The following PACSIN2 variants were observed in gnomAD, a reference collection of about 807,000 sequenced individuals.
The protein encoded by PACSIN2 is protein kinase C and casein kinase substrate in neurons 2.
Under a neutral mutation model 63.8 loss-of-function variants are expected in PACSIN2, and 25 were observed. That is an observed-to-expected ratio of 0.39 (90% confidence interval 0.29 to 0.55). PACSIN2 has a LOEUF of 0.55. Ranked by LOEUF, PACSIN2 falls within the 20% of genes least tolerant of loss-of-function variation. The pLI is 0.62. For missense variants in PACSIN2, 518 were observed against 646.9 expected (o/e 0.80, Z 2.16); for synonymous variants, 255 against 256.2 (o/e 1.00, Z 0.05).
intron 2 of PACSIN2, among the ~76,000 whole-genome samples, chr22:42,895,853 C>T (rs1216558603): frequency 6.6e-6 from 1 of 152,194 alleles, no homozygotes; most frequent in Non-Finnish European, 1.5e-5. Context: ...CAACATCGGC[C>T]CTGCTGTCCC....
At chr22:42,886,030 G>A (rs929538042) in intron 5 of PACSIN2, among the ~76,000 whole-genome samples, 1 of 152,332 alleles carries the variant, frequency 6.6e-6, no homozygotes, top group Admixed American at 6.5e-5. Context: ...CTGCTGAAGT[G>A]ACACAGAGCA....
intron 5 of PACSIN2, among the ~76,000 whole-genome samples, chr22:42,886,889 C>T (rs1362948254): frequency 6.6e-6 from 1 of 152,204 alleles, no homozygotes; most frequent in African/African-American, 2.4e-5. Flanking sequence ...TGGGCCTGTT[C>T]TGCAAAAGCC....
At chr22:42,889,160 G>T (rs1929711666) in intron 4 of PACSIN2, among the ~76,000 whole-genome samples, 1 of 152,092 alleles carries the variant, frequency 6.6e-6, no homozygotes. Flanking sequence ...CATGGGGTGG[G>T]TGGAGAAAGC....
intron 5 of PACSIN2, among the ~76,000 whole-genome samples, 192 bp downstream of exon 5, chr22:42,888,451 G>A (rs1929650300): frequency 6.6e-6 from 1 of 152,214 alleles, no homozygotes; most frequent in Non-Finnish European, 1.5e-5. Context: ...TGACTGAGCA[G>A]GTACAGTGGC....
chr22:42,890,881 G>A, intron 4 of PACSIN2, 66 bp downstream of exon 4: 5 of 1,291,326 alleles, frequency 3.9e-6, no homozygotes, highest in East Asian at 2.4e-5. Flanking sequence ...GGTGCAGGAG[G>A]TGGTGCTGCT....
intron 1 of PACSIN2, among the ~76,000 whole-genome samples, chr22:42,961,148 A>G (rs917103145): frequency 2.0e-5 from 3 of 152,250 alleles, no homozygotes; most frequent in African/African-American, 7.2e-5. Flanking sequence ...ACATACTGCA[A>G]GGGGAAACTG....
At chr22:42,982,743 T>A (rs1017841784) in intron 1 of PACSIN2, among the ~76,000 whole-genome samples, 1 of 139,004 alleles carries the variant, frequency 7.2e-6, no homozygotes, top group African/African-American at 2.7e-5. Context: ...TGCGGAAGGC[T>A]GCAGGGTCCT....
intron 1 of PACSIN2, among the ~76,000 whole-genome samples, chr22:42,936,835 C>T (rs537182651): frequency 8.1e-5 from 12 of 147,882 alleles, no homozygotes; most frequent in East Asian, 7.9e-4. Flanking sequence ...CACCTGAACC[C>T]GCGAGACGGA....
At chr22:42,923,011 G>A (rs1932295071) in intron 1 of PACSIN2, among the ~76,000 whole-genome samples, 1 of 152,162 alleles carries the variant, frequency 6.6e-6, no homozygotes, top group African/African-American at 2.4e-5. Flanking sequence ...TTCCGGCAGA[G>A]GCAGAGGGAG....
rs140822448 is a variant in PACSIN2, at chr22:42,956,314, T to C, written c.-77-44157A>G. ...AGATTTATGTCTTATGATTCATATA[T>C]GACAGAGTCTAATAAGAAAAAACTT... On this transcript the variant is annotated intron_variant, in intron 1 of 10. Coordinates refer to ENST00000263246, the MANE Select transcript of PACSIN2 (RefSeq NM_001184970.3). Among the ~76,000 whole-genome samples, 530 of 152,354 alleles carry C rather than the reference T, an allele frequency of 3.5e-3. 3 individuals carry two copies. Among genetic ancestry groups the C allele is most frequent in the African/African-American group, 0.012 (499 of 41,576 alleles).
intron 1 of PACSIN2, among the ~76,000 whole-genome samples, chr22:42,961,691 T>C (rs1934141964): frequency 6.6e-6 from 1 of 152,106 alleles, no homozygotes; most frequent in African/African-American, 2.4e-5. Flanking sequence ...GAGAATCGCT[T>C]GACCCCAGGG....
chr22:42,958,896 A>G (rs916496660), intron 1 of PACSIN2, among the ~76,000 whole-genome samples: 3 of 152,258 alleles, frequency 2.0e-5, no homozygotes, highest in Non-Finnish European at 4.4e-5. Flanking sequence ...AAATCTAATT[A>G]GAATTACAGC....
intron 1 of PACSIN2, among the ~76,000 whole-genome samples, chr22:42,968,782 C>T (rs1462195921): frequency 6.6e-6 from 1 of 152,206 alleles, no homozygotes; most frequent in African/African-American, 2.4e-5. Flanking sequence ...CACTCACCTC[C>T]TGCCTTGGGC....
chr22:43,010,048 T>G (rs1924365793), intron 1 of PACSIN2, among the ~76,000 whole-genome samples: 1 of 151,800 alleles, frequency 6.6e-6, no homozygotes, highest in Non-Finnish European at 1.5e-5. Flanking sequence ...TTTTGTATTT[T>G]CAGCAGAGAT....
intron 2 of PACSIN2, among the ~76,000 whole-genome samples, chr22:42,909,934 G>A (rs1931337792): frequency 1.3e-5 from 2 of 152,176 alleles, no homozygotes; most frequent in South Asian, 4.1e-4. Context: ...GTGTCAGAGG[G>A]AAGGGCCCCC....
intron 1 of PACSIN2, among the ~76,000 whole-genome samples, chr22:42,983,079 A>G (rs1922335410): frequency 6.6e-6 from 1 of 151,510 alleles, no homozygotes; most frequent in Non-Finnish European, 1.5e-5. Context: ...CACTTTGGGA[A>G]GCTGAGGCGG....
intron 1 of PACSIN2, among the ~76,000 whole-genome samples, chr22:42,969,307 T>C (rs1921065419): frequency 6.6e-6 from 1 of 152,230 alleles, no homozygotes; most frequent in Non-Finnish European, 1.5e-5. Context: ...AAACTTTCTT[T>C]GTATTCTATA....
chr22:42,985,968 A>AC (rs1386345550), intron 1 of PACSIN2, among the ~76,000 whole-genome samples: 2 of 140,394 alleles, frequency 1.4e-5, no homozygotes, highest in African/African-American at 5.3e-5. Flanking sequence ...TTCACCCCAC[A>AC]CCCCCAACAC....
intron 1 of PACSIN2, among the ~76,000 whole-genome samples, chr22:42,996,368 C>G (rs1345695428): frequency 2.0e-5 from 3 of 151,486 alleles, no homozygotes; most frequent in African/African-American, 7.3e-5. Flanking sequence ...CCCATCACTA[C>G]TAAAAATACA....
Sources: allele counts gnomAD v4.1 joint callset (sites outside exome capture counted in the v4.1 genomes callset), GRCh38; gene constraint gnomAD v4.1.1; transcripts MANE v1.5; gene names NCBI Gene and HGNC (gene_info 2026-07-23, HGNC 2026-07-21).